Variants in SPATA16 observed in about 807,000 individuals in gnomAD.
The protein encoded by SPATA16 is spermatogenesis associated 16.
Under a neutral mutation model 63.3 loss-of-function variants are expected in SPATA16, and 36 were observed. The observed-to-expected ratio is 0.57, with a 90% CI of 0.44 to 0.75. The LOEUF (loss-of-function observed/expected upper bound fraction) is 0.75, where lower values mean the gene tolerates loss of function less well. SPATA16 is among the 30% of genes least tolerant of loss of function. SPATA16 has a pLI of 0.00. For missense variants in SPATA16, 646 were observed against 679.3 expected, an observed-to-expected ratio of 0.95 and a Z score of 0.54; for synonymous variants, 203 against 216.7, an observed-to-expected ratio of 0.94 and a Z score of 0.56.
chr3:173,056,425 G>A (rs778545774), intron 2 of SPATA16, among the ~76,000 whole-genome samples: 6 of 152,144 alleles, frequency 3.9e-5, no homozygotes, highest in Middle Eastern at 3.4e-3. Context: ...AAGAAATGCC[G>A]GGCGCAGTGG....
chr3:173,041,021 G>A (rs1735827574), intron 3 of SPATA16, among the ~76,000 whole-genome samples: 1 of 151,996 alleles, frequency 6.6e-6, no homozygotes, highest in African/African-American at 2.4e-5. Flanking sequence ...TATTTTTTTA[G>A]GGTTTCAAGA....
intron 9 of SPATA16, among the ~76,000 whole-genome samples, chr3:172,914,093 C>A (rs965548854): frequency 6.6e-6 from 1 of 152,050 alleles, no homozygotes; most frequent in Non-Finnish European, 1.5e-5. Context: ...GGCATTTTAG[C>A]GTTTTCTCCT....
chr3:173,085,455 T>A (rs1321735150), intron 2 of SPATA16, among the ~76,000 whole-genome samples: 1 of 152,126 alleles, frequency 6.6e-6, no homozygotes, highest in Non-Finnish European at 1.5e-5. Context: ...ATGTCATCTG[T>A]AAACAGAGAC....
chr3:172,913,399 A>C (rs1480314690), intron 10 of SPATA16, among the ~76,000 whole-genome samples: 1 of 152,184 alleles, frequency 6.6e-6, no homozygotes, highest in Non-Finnish European at 1.5e-5. Flanking sequence ...GATAATGAAA[A>C]TAGAATATGA....
intron 2 of SPATA16, among the ~76,000 whole-genome samples, chr3:173,095,457 AC>A (rs1363583685): frequency 6.6e-6 from 1 of 152,078 alleles, no homozygotes. Flanking sequence ...GTAAATATCT[AC>A]CTATGTATAT....
intron 2 of SPATA16, among the ~76,000 whole-genome samples, chr3:173,053,536 G>A (rs1193513907): frequency 6.6e-6 from 1 of 152,098 alleles, no homozygotes; most frequent in African/African-American, 2.4e-5. Flanking sequence ...TTTAAAAACA[G>A]ATACAAATAA....
At chr3:173,043,320 A>G (rs765352089) in intron 3 of SPATA16, among the ~76,000 whole-genome samples, 2 of 151,798 alleles carry the variant, frequency 1.3e-5, no homozygotes, top group African/African-American at 2.4e-5. Context: ...TCTAGCTATA[A>G]TTTTTATATT....
chr3:173,003,028 C>A (rs1269666362), intron 4 of SPATA16, among the ~76,000 whole-genome samples: 1 of 151,986 alleles, frequency 6.6e-6, no homozygotes, highest in Non-Finnish European at 1.5e-5. Flanking sequence ...CATTGAAAAT[C>A]ATAAAGAAAC....
At chr3:172,935,487 A>G (rs937062461) in intron 6 of SPATA16, among the ~76,000 whole-genome samples, 2 of 152,270 alleles carry the variant, frequency 1.3e-5, no homozygotes, top group African/African-American at 4.8e-5. Context: ...TATAATTTTG[A>G]TAAATAATTT....
chr3:172,991,850 G>T (rs902622007), intron 4 of SPATA16, among the ~76,000 whole-genome samples: 2 of 152,200 alleles, frequency 1.3e-5, no homozygotes, highest in Admixed American at 6.5e-5. Context: ...AAGTTATGGA[G>T]TTGGGAAGTG....
chr3:172,915,767 C>A (rs2109564816), intron 9 of SPATA16, among the ~76,000 whole-genome samples: 1 of 152,222 alleles, frequency 6.6e-6, no homozygotes, highest in Non-Finnish European at 1.5e-5. Flanking sequence ...CTCATCAGTT[C>A]AGCTAAAAAA....
chr3:172,941,950 G>A (rs1499621), intron 6 of SPATA16, among the ~76,000 whole-genome samples: 13,335 of 151,876 alleles, frequency 0.088, 1,953 homozygotes, highest in African/African-American at 0.3. Flanking sequence ...TTGTTAAGAT[G>A]TCTATGTTTA....
chr3:173,122,512 A>T (rs1738104753), intron 1 of SPATA16, among the ~76,000 whole-genome samples: 1 of 146,890 alleles, frequency 6.8e-6, no homozygotes, highest in Non-Finnish European at 1.5e-5. Context: ...TTCTTTCTTT[A>T]AAAAAAAAAA....
chr3:172,981,407 T>G (rs1734315124), intron 4 of SPATA16, among the ~76,000 whole-genome samples: 1 of 152,188 alleles, frequency 6.6e-6, no homozygotes, highest in Non-Finnish European at 1.5e-5. Context: ...ATAGTGGCGT[T>G]TAAGTCCTAT....
Position 172,926,598 on chromosome 3 carries a change from A to G in SPATA16, c.1082-1106T>C, listed in dbSNP as rs1240460334. On this transcript the variant is annotated intron_variant, in intron 6 of 10. Transcript: ENST00000351008. ...TAGTCTGACTCCAGACACCACAGGCACAGCCACTGCACCCTTCTTCAAGAT... is the reference window on the plus strand; with the variant it reads ...TAGTCTGACTCCAGACACCACAGGCGCAGCCACTGCACCCTTCTTCAAGAT... Among the ~76,000 whole-genome samples the G allele has an allele frequency of 2.0e-5, 3 of 152,218 alleles. No homozygotes were observed. The East Asian group carries it at 5.8e-4, about 29-fold the overall frequency.
chr3:173,100,520 T>A (rs1325013653), intron 2 of SPATA16, among the ~76,000 whole-genome samples: 1 of 152,142 alleles, frequency 6.6e-6, no homozygotes, highest in Non-Finnish European at 1.5e-5. Context: ...TCACTTTTCA[T>A]CGTTCTGCTT....
chr3:173,028,002 C>CCTCA (rs1437279673), intron 3 of SPATA16, among the ~76,000 whole-genome samples: 1 of 70,078 alleles, frequency 1.4e-5, no homozygotes, highest in Non-Finnish European at 2.7e-5. Flanking sequence ...TCCCTCCCTC[C>CCTCA]CTCCCTCCCT....
chr3:172,900,219 T>C (rs1266396834), intron 10 of SPATA16, among the ~76,000 whole-genome samples: 1 of 152,218 alleles, frequency 6.6e-6, no homozygotes, highest in Non-Finnish European at 1.5e-5. Flanking sequence ...TCTTTTCTTT[T>C]AGTGCTTGAA....
At chr3:173,093,700 A>T (rs544077738) in intron 2 of SPATA16, among the ~76,000 whole-genome samples, 1 of 152,190 alleles carries the variant, frequency 6.6e-6, no homozygotes, top group South Asian at 2.1e-4. Flanking sequence ...TCGCTATTGT[A>T]TATAGCATGC....
Sources: allele counts gnomAD v4.1 joint callset (sites outside exome capture counted in the v4.1 genomes callset), GRCh38; gene constraint gnomAD v4.1.1; transcripts MANE v1.5; gene names NCBI Gene and HGNC (gene_info 2026-07-23, HGNC 2026-07-21).